Variants in ASAP1 observed in about 807,000 individuals in gnomAD.
ASAP1 encodes the protein arf-GAP with SH3 domain, ANK repeat and PH domain-containing protein 1.
Under a neutral mutation model 145.2 loss-of-function variants are expected in ASAP1, and 43 were observed. The observed-to-expected ratio is 0.30, with a 90% CI of 0.23 to 0.38. The LOEUF (loss-of-function observed/expected upper bound fraction) is 0.38. ASAP1 is among the 10% of genes least tolerant of loss of function. The pLI is 1.00. For missense variants in ASAP1, 1,018 were observed against 1,355.3 expected (o/e 0.75, Z 3.91); for synonymous variants, 546 against 515.5 (o/e 1.06, Z -0.80).
chr8:130,165,312 G>A (rs117166325), intron 11 of ASAP1, among the ~76,000 whole-genome samples: 2,187 of 152,158 alleles, frequency 0.014, 21 homozygotes, highest in Middle Eastern at 0.048. Context: ...GTAGGGAGTG[G>A]TTAAGTACAT....
chr8:130,305,048 T>C (rs1822908720), intron 3 of ASAP1, among the ~76,000 whole-genome samples: 1 of 152,202 alleles, frequency 6.6e-6, no homozygotes, highest in African/African-American at 2.4e-5. Flanking sequence ...GTGTCAGGCA[T>C]GAACCTACCT....
chr8:130,358,261 C>G lies in ASAP1; in HGVS notation c.60-118G>C. 1.4e-6 allele frequency: 1 copy of G among 731,090 alleles called. No homozygotes were observed. The highest frequency in any genetic ancestry group is 1.7e-6 in the Non-Finnish European group (1 of 574,374). The allele number at this position is 731,090 out of a possible 1,614,324, so 45.3% of individuals were successfully genotyped here. ...GGCGCGCAGCCCGCCACCCGCCGCC[C>G]GGCCTGGCGCGCGGCTCCCGTCCCC... On this transcript the variant is annotated intron_variant, in intron 2 of 29. Transcript: ENST00000518721. The surrounding 1 kb of genome is among the most constrained non-coding windows in gnomAD (Gnocchi z 4.1).
intron 5 of ASAP1, among the ~76,000 whole-genome samples, chr8:130,191,760 A>G (rs1815155555): frequency 6.6e-6 from 1 of 151,948 alleles, no homozygotes; most frequent in African/African-American, 2.4e-5. Flanking sequence ...GTGCTAGCTT[A>G]CTCCCTGATA....
chr8:130,114,580 T>C (rs949177372), intron 23 of ASAP1, among the ~76,000 whole-genome samples: 6 of 152,128 alleles, frequency 3.9e-5, no homozygotes, highest in African/African-American at 1.4e-4. Context: ...GAGGAATGTG[T>C]TGCACTACCG....
chr8:130,418,005 G>A (rs1280769558), intron 1 of ASAP1, among the ~76,000 whole-genome samples: 1 of 152,202 alleles, frequency 6.6e-6, no homozygotes, highest in Non-Finnish European at 1.5e-5. Context: ...AGATGGACAC[G>A]GGGAGCGGGT....
intron 3 of ASAP1, among the ~76,000 whole-genome samples, chr8:130,318,902 G>C (rs1031028685): frequency 5.9e-5 from 9 of 152,166 alleles, no homozygotes; most frequent in Admixed American, 5.2e-4. Context: ...TCTCATCACT[G>C]CAACACTGCC....
At chr8:130,343,704 C>G (rs7812798) in intron 3 of ASAP1, among the ~76,000 whole-genome samples, 1 of 152,296 alleles carries the variant, frequency 6.6e-6, no homozygotes, top group Non-Finnish European at 1.5e-5. Flanking sequence ...AAATATTCAC[C>G]GCTCCAAGGT....
chr8:130,340,627 C>T lies in ASAP1; in HGVS notation c.186+17390G>A, dbSNP rs147638695. ...CATCTCCTTTTTAAAAAGGCTATAA[C>T]GTCTAAGAAAGCAGTGTGACATGGA... On this transcript the variant is annotated intron_variant, in intron 3 of 29. Coordinates refer to ENST00000518721, the MANE Select transcript of ASAP1 (RefSeq NM_018482.4). 9.2e-5 allele frequency among the ~76,000 whole-genome samples: 14 copies of T among 152,254 alleles called. 1 individual carries two copies. Among genetic ancestry groups the T allele is most frequent in the South Asian group, 4.1e-4 (2 of 4,822 alleles).
At chr8:130,382,110 C>T (rs1327597783) in intron 2 of ASAP1, among the ~76,000 whole-genome samples, 1 of 151,966 alleles carries the variant, frequency 6.6e-6, no homozygotes, top group Non-Finnish European at 1.5e-5. Context: ...CACGGTGAAA[C>T]CCCGTCTCTA....
chr8:130,110,941 G>A (rs1468498222), intron 24 of ASAP1, among the ~76,000 whole-genome samples: 1 of 152,118 alleles, frequency 6.6e-6, no homozygotes, highest in Non-Finnish European at 1.5e-5. Flanking sequence ...TGGATTCACT[G>A]GCAAAGACCA....
chr8:130,160,804 G>C, intron 11 of ASAP1: 1 of 1,283,890 alleles, frequency 7.8e-7, no homozygotes, highest in Non-Finnish European at 1.0e-6. Context: ...CTTCGATCAG[G>C]AAGGGCAAAA....
intron 2 of ASAP1, among the ~76,000 whole-genome samples, chr8:130,374,207 C>T (rs77819268): frequency 0.011 from 1,685 of 152,278 alleles, 29 homozygotes; most frequent in African/African-American, 0.039. Context: ...ATGACAGCAA[C>T]TTCAGAGGCT....
chr8:130,077,994 T>A (rs1384230778), intron 26 of ASAP1, among the ~76,000 whole-genome samples: 2 of 118,260 alleles, frequency 1.7e-5, no homozygotes, highest in Non-Finnish European at 1.9e-5. Context: ...TTTAAAAACT[T>A]TTTTTTTTTT....
intron 3 of ASAP1, among the ~76,000 whole-genome samples, chr8:130,350,629 A>C (rs1586884564): frequency 6.6e-6 from 1 of 152,246 alleles, no homozygotes; most frequent in Non-Finnish European, 1.5e-5. Flanking sequence ...AGTTACTAGC[A>C]GTGTCCACTA....
intron 1 of ASAP1, among the ~76,000 whole-genome samples, chr8:130,423,471 C>A (rs192878677): frequency 3.9e-5 from 6 of 152,244 alleles, no homozygotes; most frequent in African/African-American, 1.4e-4. Flanking sequence ...AATTCCACCT[C>A]TGGGAATTTG....
At chr8:130,066,277 C>A (rs2097430471) in intron 27 of ASAP1, among the ~76,000 whole-genome samples, 1 of 152,240 alleles carries the variant, frequency 6.6e-6, no homozygotes, top group Admixed American at 6.5e-5. Context: ...GAGCCAATCA[C>A]CCTGTCTCAT....
intron 2 of ASAP1, among the ~76,000 whole-genome samples, chr8:130,394,703 C>G (rs924385335): frequency 6.6e-6 from 1 of 152,140 alleles, no homozygotes. Flanking sequence ...CCCCAGGACA[C>G]CCAGCTTTAA....
rs907996168 is a variant in ASAP1 at position 130,112,396 on chromosome 8, C to T, written c.2173-74G>A. On this transcript the variant is annotated intron_variant, in intron 23 of 29. Coordinates refer to ENST00000518721, the MANE Select transcript of ASAP1 (RefSeq NM_018482.4). ...ATGTGTACAGAGGGCCTCCGCAGGGCGGGCTCAGGTGGGAATCTGGGTTCC... is the reference window on the plus strand; with the variant it reads ...ATGTGTACAGAGGGCCTCCGCAGGGTGGGCTCAGGTGGGAATCTGGGTTCC... 3.5e-5 allele frequency: 47 copies of T among 1,353,584 alleles called. No homozygotes were observed. The African/African-American group carries it at 5.4e-4, about 15-fold the overall frequency. 83.8% of individuals were successfully genotyped at this position (1,353,584 alleles called of 1,614,324 possible).
intron 24 of ASAP1, among the ~76,000 whole-genome samples, chr8:130,108,543 A>G (rs1183281867): frequency 1.3e-5 from 2 of 152,054 alleles, no homozygotes; most frequent in Admixed American, 1.3e-4. Flanking sequence ...TCACGCCTGT[A>G]ATCTTGGCAC....
Sources: allele counts gnomAD v4.1 joint callset (sites outside exome capture counted in the v4.1 genomes callset), GRCh38; gene constraint gnomAD v4.1.1; non-coding constraint Gnocchi (gnomAD v3.1); transcripts MANE v1.5; gene names NCBI Gene and HGNC (gene_info 2026-07-23, HGNC 2026-07-21).